Variants in SPAG17 observed in about 807,000 individuals in gnomAD.
SPAG17 encodes sperm associated antigen 17, also known as sperm-associated antigen 17.
A neutral mutation model predicts 273.6 loss-of-function variants in SPAG17; 169 were observed. The observed-to-expected ratio is 0.62, with a 90% CI of 0.55 to 0.70. The LOEUF is 0.70. SPAG17 is among the 30% of genes least tolerant of loss of function. The pLI, the probability that SPAG17 is intolerant of heterozygous loss-of-function variation, is 0.00. For missense variants in SPAG17, 2,557 were observed against 2,627.8 expected, an observed-to-expected ratio of 0.97 and a Z score of 0.59; for synonymous variants, 825 against 873.2, an observed-to-expected ratio of 0.94 and a Z score of 0.97.
chr1:118,125,891 TA>T lies in SPAG17; in HGVS notation c.316-10451del, dbSNP rs547681608. Among the ~76,000 whole-genome samples the T allele has an allele frequency of 1.1e-4, 16 of 152,264 alleles. No individual in the cohort carries two copies. The South Asian group carries it at 2.7e-3, about 26-fold the overall frequency. On this transcript the variant is annotated intron_variant, in intron 3 of 48. Coordinates refer to ENST00000336338, the MANE Select transcript of SPAG17 (RefSeq NM_206996.4). ...TCTTTTCCTTTGGATAAATACCTAA[TA>T]GGGGAATGGTGGATCATATAGTAGT...
chr1:118,155,071 A>G (rs996013947), intron 1 of SPAG17, among the ~76,000 whole-genome samples: 2 of 152,148 alleles, frequency 1.3e-5, no homozygotes, highest in African/African-American at 2.4e-5. Context: ...TGTATTGTAC[A>G]TGATCATTGC....
At chr1:118,122,776 T>C (rs1657493205) in intron 3 of SPAG17, among the ~76,000 whole-genome samples, 1 of 152,210 alleles carries the variant, frequency 6.6e-6, no homozygotes, top group Non-Finnish European at 1.5e-5. Flanking sequence ...GAATGACATA[T>C]GCATGATAAA....
intron 3 of SPAG17, among the ~76,000 whole-genome samples, chr1:118,119,327 T>G (rs1657285603): frequency 6.6e-6 from 1 of 152,076 alleles, no homozygotes; most frequent in African/African-American, 2.4e-5. Context: ...TGTGTAAAGA[T>G]TTGGATCTGG....
intron 21 of SPAG17, 79 bp downstream of exon 21, chr1:118,041,723 AG>A (rs1649775209): frequency 1.3e-6 from 2 of 1,531,920 alleles, no homozygotes; most frequent in Non-Finnish European, 1.7e-6. Context: ...TGAAAACAAA[AG>A]AATCTTATAA....
At position 118,103,383 on chromosome 1, in the gene SPAG17, A is replaced by G. The variant is rs143890973; in HGVS notation, c.448-1457T>C. 4.3e-3 allele frequency among the ~76,000 whole-genome samples: 648 copies of G among 152,326 alleles called. 4 individuals are homozygous for G. Among genetic ancestry groups the G allele is most frequent in the African/African-American group, 0.015 (616 of 41,576 alleles). On this transcript the variant is annotated intron_variant, in intron 4 of 48. Coordinates refer to ENST00000336338, the MANE Select transcript of SPAG17 (RefSeq NM_206996.4). ...GAAAATGTATGGGATGCTGGTATTCATCTATTCATTCATTCATTCAGTGAA... is the reference window on the plus strand; with the variant it reads ...GAAAATGTATGGGATGCTGGTATTCGTCTATTCATTCATTCATTCAGTGAA...
At chr1:117,984,994 C>T (rs185402360) in intron 40 of SPAG17, among the ~76,000 whole-genome samples, 2 of 152,254 alleles carry the variant, frequency 1.3e-5, no homozygotes, top group African/African-American at 4.8e-5. Flanking sequence ...AAAAATCAGA[C>T]TCTCATGTAA....
intron 23 of SPAG17, among the ~76,000 whole-genome samples, chr1:118,038,012 A>T (rs2802659): frequency 6.6e-6 from 1 of 152,190 alleles, no homozygotes; most frequent in Non-Finnish European, 1.5e-5. Flanking sequence ...CACAGAGTTG[A>T]AGAAAATATC....
At chr1:118,095,401 G>T (rs983769440) in intron 7 of SPAG17, among the ~76,000 whole-genome samples, 8 of 152,200 alleles carry the variant, frequency 5.3e-5, no homozygotes, top group African/African-American at 1.7e-4. Context: ...GGAGCAAAAG[G>T]TACTTGGCTT....
At chr1:118,140,673 C>T (rs998810133) in intron 3 of SPAG17, among the ~76,000 whole-genome samples, 1 of 152,170 alleles carries the variant, frequency 6.6e-6, no homozygotes, top group Admixed American at 6.5e-5. Context: ...GTGCTCTCCC[C>T]ATTGCCACCT....
At chr1:118,162,765 T>C (rs1558055614) in intron 1 of SPAG17, among the ~76,000 whole-genome samples, 1 of 152,210 alleles carries the variant, frequency 6.6e-6, no homozygotes, top group African/African-American at 2.4e-5. Flanking sequence ...ATTTGTTTTT[T>C]TTCCTTCAAC....
At position 118,031,769 on chromosome 1, in the gene SPAG17, T is replaced by C. The variant is rs776388731; in HGVS notation, c.3532A>G (p.Lys1178Glu). ...TTTTCTTTGCCTTTTATTTTCCCTT[T>C]AGCTTTGCTTTGAGGAACGGTCACT... is the stretch of plus-strand genomic sequence containing the variant. ...VIVTVPQSKA[K>E]GKIKGKEKPK... Residue 1178 changes from lysine (K) to glutamate (E), a missense_variant, in exon 25 of 49, where the codon AAA (lysine) becomes GAA (glutamate). Lys to Glu is a moderately conservative substitution (Grantham distance 56). Coordinates refer to ENST00000336338, the MANE Select transcript of SPAG17 (RefSeq NM_206996.4). 5.6e-6 allele frequency: 9 copies of C among 1,613,794 alleles called. No individual in the cohort carries two copies. The South Asian group carries it at 6.6e-5, about 12-fold the overall frequency.
chr1:118,054,062 T>C lies in SPAG17; in HGVS notation c.2754A>G (p.Ser918=). ...SNKGISKTEI[S]DQEKEKEKEK... ...CCTTCTCTTTTTCTTTTTCTTGATC[T>C]GATATCTCTGTTTTGCTGATTCCTT... The change falls in exon 20 of 49, where the codon TCA becomes TCG. Residue 918 remains serine (S), a synonymous_variant. Coordinates refer to ENST00000336338, the MANE Select transcript of SPAG17 (RefSeq NM_206996.4). 1 of 1,607,150 alleles carries C rather than the reference T, an allele frequency of 6.2e-7. No individual in the cohort carries two copies. The highest frequency in any genetic ancestry group is 8.5e-7 in the Non-Finnish European group (1 of 1,176,412).
rs1653933215 is a variant in SPAG17, at chr1:118,074,715, A to C, written c.2210-115T>G. 3.2e-6 allele frequency: 3 copies of C among 935,550 alleles called. No individual in the cohort carries two copies. The South Asian group carries it at 4.4e-5, about 14-fold the overall frequency. 58.0% of individuals were successfully genotyped at this position (935,550 alleles called of 1,614,324 possible). ...TCTATGTTTCTGTGCTGAAAAGGCA[A>C]TGCCTGAAAGGCATGTTTTGTGCCT... On this transcript the variant is annotated intron_variant, in intron 15 of 48. Coordinates refer to ENST00000336338, the MANE Select transcript of SPAG17 (RefSeq NM_206996.4).
chr1:118,024,484 G>T (rs1237307269), intron 27 of SPAG17, among the ~76,000 whole-genome samples: 1 of 151,740 alleles, frequency 6.6e-6, no homozygotes, highest in Non-Finnish European at 1.5e-5. Context: ...ATTTCTTTTA[G>T]ATATTGAATT....
intron 1 of SPAG17, among the ~76,000 whole-genome samples, chr1:118,176,571 T>C (rs1412827931): frequency 1.3e-5 from 2 of 152,174 alleles, no homozygotes; most frequent in Non-Finnish European, 2.9e-5. Flanking sequence ...CAAGCATTAA[T>C]AGTTGTAAAG....
chr1:118,062,222 C>T (rs1306707770), intron 18 of SPAG17, among the ~76,000 whole-genome samples: 1 of 151,640 alleles, frequency 6.6e-6, no homozygotes, highest in Non-Finnish European at 1.5e-5. Context: ...AAAAAATTAG[C>T]CGGGCGTAGT....
intron 28 of SPAG17, 47 bp from the exon 29 acceptor site, chr1:118,016,229 T>C: frequency 7.1e-7 from 1 of 1,408,346 alleles, no homozygotes; most frequent in Middle Eastern, 1.8e-4. Context: ...AACTATAGTA[T>C]CAATTATATA....
chr1:118,113,368 C>T (rs1656886253), intron 4 of SPAG17, among the ~76,000 whole-genome samples: 1 of 152,024 alleles, frequency 6.6e-6, no homozygotes, highest in South Asian at 2.1e-4. Flanking sequence ...TCTTTATTGC[C>T]AAACTCCTTG....
intron 3 of SPAG17, among the ~76,000 whole-genome samples, chr1:118,129,711 CTTTT>C (rs1444340109): frequency 2.7e-5 from 4 of 149,354 alleles, no homozygotes; most frequent in African/African-American, 7.4e-5. Context: ...TTCTTTCTTT[CTTTT>C]CTTTCTTTCC....
Sources: allele counts gnomAD v4.1 joint callset (sites outside exome capture counted in the v4.1 genomes callset), GRCh38; gene constraint gnomAD v4.1.1; transcripts MANE v1.5; gene names NCBI Gene and HGNC (gene_info 2026-07-23, HGNC 2026-07-21).